The following CHAF1B variants were observed in gnomAD, a reference collection of about 807,000 sequenced individuals.
The protein encoded by CHAF1B is CAF-1 subunit B.
CHAF1B carries 10 observed loss-of-function variants against 60.7 expected under a neutral mutation model. The ratio of observed to expected loss-of-function variants is 0.16; its 90% CI spans 0.10 to 0.28. CHAF1B has a LOEUF of 0.28. Ranked by LOEUF, CHAF1B falls within the 10% of genes least tolerant of loss-of-function variation. The pLI, the probability that CHAF1B is intolerant of heterozygous loss-of-function variation, is 1.00. For missense variants in CHAF1B, 558 were observed against 708.4 expected (o/e 0.79, Z 2.41); for synonymous variants, 261 against 266.1 (o/e 0.98, Z 0.19).
At chr21:36,391,721 A>G (rs943909997) in intron 4 of CHAF1B, 53 bp downstream of exon 4, 27 of 1,142,924 alleles carry the variant, frequency 2.4e-5, no homozygotes, top group Non-Finnish European at 3.4e-5. Flanking sequence ...AGTGCATTAA[A>G]TGGAATATAC....
Position 36,416,356 on chromosome 21 carries a change from T to C in CHAF1B, c.1670T>C (p.Leu557Pro), listed in dbSNP as rs1235513762. Residue 557 changes from leucine to proline, a missense_variant, in exon 14 of 14, where the codon CTG becomes CCG. Physicochemically the swap from Leu to Pro is moderately conservative, Grantham distance 98 (BLOSUM62 -3). This residue lies in a region of CHAF1B where 233 missense variants were observed against 214.9 expected (regional missense o/e 1.08). Transcript: ENST00000314103. ...LDENKGGTES[L>P]DP Reference sequence around the variant, plus strand: ...GAAAACAAAGGAGGCACGGAAAGTCTGGACCCTTGATGGGACCTCGGCTTC... The same window carrying C: ...GAAAACAAAGGAGGCACGGAAAGTCCGGACCCTTGATGGGACCTCGGCTTC... 1.9e-6 allele frequency: 3 copies of C among 1,613,724 alleles called. No homozygotes were observed. The highest frequency in any genetic ancestry group is 2.5e-6 in the Non-Finnish European group (3 of 1,179,918).
chr21:36,399,681 CT>C, intron 7 of CHAF1B, 76 bp downstream of exon 7: 2 of 1,184,982 alleles, frequency 1.7e-6, no homozygotes, highest in Non-Finnish European at 2.5e-6. Flanking sequence ...CTCCCATACC[CT>C]TGCAGCCAAA....
chr21:36,404,149 G>A (rs1406353205), intron 8 of CHAF1B, among the ~76,000 whole-genome samples: 1 of 144,376 alleles, frequency 6.9e-6, no homozygotes, highest in Non-Finnish European at 1.5e-5. Flanking sequence ...CCCAGCTGGA[G>A]TGCAGTGGCA....
intron 8 of CHAF1B, among the ~76,000 whole-genome samples, chr21:36,405,960 A>T (rs1309971265): frequency 6.6e-6 from 1 of 152,118 alleles, no homozygotes; most frequent in African/African-American, 2.4e-5. Flanking sequence ...GAAGTATTAA[A>T]AAAAAAACAG....
At chr21:36,415,772 A>G in intron 13 of CHAF1B, 1 of 394,856 alleles carries the variant, frequency 2.5e-6, no homozygotes, top group Non-Finnish European at 4.8e-6. Context: ...CTTTTTTTTG[A>G]GATGCAGTCT....
intron 3 of CHAF1B, 107 bp downstream of exon 3, chr21:36,387,837 A>C (rs2086047327): frequency 8.3e-7 from 1 of 1,210,476 alleles, no homozygotes; most frequent in East Asian, 2.4e-5. Context: ...TTTTTTTTTG[A>C]GATAGAGTTT....
At chr21:36,410,438 T>C (rs1306648097) in intron 10 of CHAF1B, among the ~76,000 whole-genome samples, 1 of 152,192 alleles carries the variant, frequency 6.6e-6, no homozygotes, top group Non-Finnish European at 1.5e-5. Context: ...CCTTTGAAAT[T>C]AGTTCCTGGC....
chr21:36,414,378 G>A (rs967174831), intron 12 of CHAF1B, among the ~76,000 whole-genome samples: 2 of 152,196 alleles, frequency 1.3e-5, no homozygotes, highest in Non-Finnish European at 2.9e-5. Flanking sequence ...ATATGTGTAT[G>A]GGTTGCTGGC....
chr21:36,415,748 CT>C (rs745421124), intron 13 of CHAF1B: 28,070 of 329,170 alleles, frequency 0.085, no homozygotes, highest in South Asian at 0.13. Flanking sequence ...CCATGACATT[CT>C]TTTTTTTTTT....
At chr21:36,400,167 G>A (rs1251309022) in intron 7 of CHAF1B, among the ~76,000 whole-genome samples, 4 of 151,528 alleles carry the variant, frequency 2.6e-5, no homozygotes, top group East Asian at 1.9e-4. Context: ...GCGACAGAGC[G>A]AGACTCGATT....
At chr21:36,399,085 G>A (rs1205986863) in intron 6 of CHAF1B, among the ~76,000 whole-genome samples, 2 of 147,756 alleles carry the variant, frequency 1.4e-5, no homozygotes, top group Non-Finnish European at 3.0e-5. Flanking sequence ...TGCCCAGGCT[G>A]GAGTGCAGTG....
At chr21:36,389,794 T>TGCGCGCGCGC (rs1271634709) in intron 3 of CHAF1B, among the ~76,000 whole-genome samples, 1 of 124,430 alleles carries the variant, frequency 8.0e-6, no homozygotes, top group African/African-American at 4.1e-5. Context: ...TGTGTGTGTG[T>TGCGCGCGCGC]GTGTGTGCGC....
intron 10 of CHAF1B, among the ~76,000 whole-genome samples, chr21:36,411,116 CTTT>C (rs35488336): frequency 1.4e-4 from 18 of 126,758 alleles, no homozygotes; most frequent in African/African-American, 1.7e-4. Flanking sequence ...TATAAATATT[CTTT>C]TTTTTTTTTT....
intron 7 of CHAF1B, among the ~76,000 whole-genome samples, chr21:36,401,907 A>C (rs1339638518): frequency 6.6e-6 from 1 of 151,416 alleles, no homozygotes; most frequent in Non-Finnish European, 1.5e-5. Context: ...CACTTAGATA[A>C]TTTTTGTATT....
Position 36,416,416 on chromosome 21 carries a change from G to A in CHAF1B, c.*50G>A. The A allele has an allele frequency of 6.6e-7, 1 of 1,509,536 alleles. No individual in the cohort carries two copies. The highest frequency in any genetic ancestry group is 9.1e-7 in the Non-Finnish European group (1 of 1,099,662). 93.5% of individuals were successfully genotyped at this position (1,509,536 alleles called of 1,614,324 possible). A position where few individuals can be genotyped will look rare whatever the true frequency, so the allele number is the denominator to read the frequency against. On this transcript the variant is annotated 3_prime_UTR_variant, in exon 14 of 14. Transcript: ENST00000314103. ...CCTACCAGGCTCCCGGTGTGTGCAGGGAGACGGTAAAGCTGGAGGTGCCTG... is the reference window on the plus strand; with the variant it reads ...CCTACCAGGCTCCCGGTGTGTGCAGAGAGACGGTAAAGCTGGAGGTGCCTG...
chr21:36,389,800 T>TGTGTGTGTGTGTGCGCGCGC lies in CHAF1B; in HGVS notation c.260-1750_260-1749insTGTGTGTGTGTGCGCGCGCG. 3.4e-3 allele frequency among the ~76,000 whole-genome samples: 418 copies of TGTGTGTGTGTGTGCGCGCGC among 124,748 alleles called. 2 individuals are homozygous for TGTGTGTGTGTGTGCGCGCGC. Among genetic ancestry groups the TGTGTGTGTGTGTGCGCGCGC allele is most frequent in the Middle Eastern group, 0.013 (3 of 240 alleles). 81.8% of individuals were successfully genotyped at this position (124,748 alleles called of 152,430 possible). A position where few individuals can be genotyped will look rare whatever the true frequency, so the allele number is the denominator to read the frequency against. ...GTGTGTGTGTGTGTGTGTGTGTGTG[T>TGTGTGTGTGTGTGCGCGCGC]GCGCGCGCACGCTGATTTGTAGAGG... On this transcript the variant is annotated intron_variant, in intron 3 of 13. Coordinates refer to ENST00000314103, the MANE Select transcript of CHAF1B (RefSeq NM_005441.3).
intron 6 of CHAF1B, among the ~76,000 whole-genome samples, chr21:36,398,705 T>A (rs941141159): frequency 2.0e-5 from 3 of 152,222 alleles, no homozygotes; most frequent in Admixed American, 6.5e-5. Flanking sequence ...AAATAAACTA[T>A]TTTTGTGCTT....
At chr21:36,402,158 G>T (rs965082238) in intron 7 of CHAF1B, among the ~76,000 whole-genome samples, 1 of 151,872 alleles carries the variant, frequency 6.6e-6, no homozygotes, top group African/African-American at 2.4e-5. Context: ...TTTTTAAAGG[G>T]TGCATTTGTT....
intron 6 of CHAF1B, among the ~76,000 whole-genome samples, chr21:36,398,642 G>C (rs997292607): frequency 2.0e-5 from 3 of 152,232 alleles, no homozygotes; most frequent in African/African-American, 7.2e-5. Flanking sequence ...TTACAGGCGT[G>C]AGCCACCTCG....
Sources: gnomAD v4.1 joint callset for allele counts (sites outside exome capture counted in the v4.1 genomes callset) on GRCh38, gnomAD v4.1.1 for gene constraint, gnomAD v4.1.1 regional missense constraint, MANE v1.5 for transcripts, NCBI Gene and HGNC (gene_info 2026-07-23, HGNC 2026-07-21) for gene names.